CYSLTR2: variants seen among roughly 807,000 people sequenced by gnomAD.
CYSLTR2 encodes G-protein coupled receptor GPCR21.
For synonymous variants in CYSLTR2, 179 were observed against 160.8 expected, an observed-to-expected ratio of 1.11 and a Z score of -0.86; for missense variants, 398 against 411.9, an observed-to-expected ratio of 0.97 and a Z score of 0.29.
At chr13:48,685,740 A>T (rs534182761) in intron 1 of CYSLTR2, among the ~76,000 whole-genome samples, 7 of 152,178 alleles carry the variant, frequency 4.6e-5, no homozygotes, top group Non-Finnish European at 8.8e-5. Context: ...TATATTCTAG[A>T]TAAATGACAT....
rs1369777328 is a variant in CYSLTR2, at chr13:48,708,373, A to G, written c.*515A>G. 1 of 167,206 alleles carries G rather than the reference A, an allele frequency of 6.0e-6. No individual in the cohort carries two copies. Among genetic ancestry groups the G allele is most frequent in the Non-Finnish European group, 1.5e-5 (1 of 68,326 alleles). 10.4% of individuals were successfully genotyped at this position (167,206 alleles called of 1,614,324 possible). On this transcript the variant is annotated 3_prime_UTR_variant, in exon 5 of 5. Transcript: ENST00000682523. ...AACAAAGCAGCATCAAGTCCCAAGT[A>G]AGGACAGTGAGAGAAAAGGGGGAGA...
At chr13:48,679,441 G>GATATATA (rs1953691069) in intron 1 of CYSLTR2, among the ~76,000 whole-genome samples, 1 of 152,144 alleles carries the variant, frequency 6.6e-6, no homozygotes, top group Non-Finnish European at 1.5e-5. Flanking sequence ...AGTATATGTG[G>GATATATA]CACAGAGAAG....
chr13:48,668,470 C>G (rs7335898), intron 1 of CYSLTR2, among the ~76,000 whole-genome samples: 9,622 of 151,996 alleles, frequency 0.063, 363 homozygotes, highest in Middle Eastern at 0.11. Context: ...TCTTGAAGAA[C>G]AGTAAAATAA....
chr13:48,674,310 G>T (rs960456318), intron 1 of CYSLTR2, among the ~76,000 whole-genome samples: 1 of 152,000 alleles, frequency 6.6e-6, no homozygotes, highest in Non-Finnish European at 1.5e-5. Context: ...TTGAGGCTTT[G>T]TTTGTTCCTT....
intron 4 of CYSLTR2, among the ~76,000 whole-genome samples, chr13:48,698,068 G>A (rs1433286080): frequency 3.9e-5 from 6 of 152,196 alleles, no homozygotes; most frequent in Non-Finnish European, 8.8e-5. Context: ...AAGTGACGGG[G>A]AGAATGGAAC....
chr13:48,654,251 T>G (rs867518736), intron 1 of CYSLTR2, among the ~76,000 whole-genome samples: 10 of 129,308 alleles, frequency 7.7e-5, no homozygotes, highest in East Asian at 7.0e-4. Flanking sequence ...GATCGTCCCT[T>G]TGTGTGTGTG....
chr13:48,696,853 G>A (rs905985591), intron 4 of CYSLTR2, among the ~76,000 whole-genome samples: 2 of 151,386 alleles, frequency 1.3e-5, no homozygotes, highest in Non-Finnish European at 2.9e-5. Flanking sequence ...CCCGCACATG[G>A]CTCGGAGGGT....
intron 4 of CYSLTR2, among the ~76,000 whole-genome samples, chr13:48,704,975 T>A (rs1347648230): frequency 6.6e-6 from 1 of 152,232 alleles, no homozygotes; most frequent in Admixed American, 6.5e-5. Flanking sequence ...TGATGGTGTT[T>A]TTAGTTTTTC....
intron 1 of CYSLTR2, among the ~76,000 whole-genome samples, chr13:48,664,725 T>G (rs1050940979): frequency 1.3e-5 from 2 of 152,036 alleles, no homozygotes; most frequent in African/African-American, 4.8e-5. Context: ...CTCTCTTTTT[T>G]TCTTAGTTTA....
rs563898987 is a variant in CYSLTR2, at chr13:48,687,760, T to TTAAACAAC, written c.-265-3450_-265-3443dup. Among the ~76,000 whole-genome samples the TTAAACAAC allele has an allele frequency of 3.1e-3, 467 of 152,310 alleles. 1 individual carries two copies. The highest frequency in any genetic ancestry group is 0.011 in the African/African-American group (452 of 41,568). ...ATGATCCACTGGAGGGGTGGTAGTTTTAAACAACTGAAATTCTCTAACAAT... is the reference window on the plus strand; with the variant it reads ...ATGATCCACTGGAGGGGTGGTAGTTTTAAACAACTAAACAACTGAAATTCTCTAACAAT... On this transcript the variant is annotated intron_variant, in intron 1 of 4. Coordinates refer to ENST00000682523, the MANE Select transcript of CYSLTR2 (RefSeq NM_001308476.3).
chr13:48,675,786 C>T (rs1354698384), intron 1 of CYSLTR2, among the ~76,000 whole-genome samples: 5 of 152,080 alleles, frequency 3.3e-5, no homozygotes, highest in Admixed American at 6.6e-5. Context: ...TATAGGCACC[C>T]GAGGGATTCT....
At chr13:48,658,862 G>C (rs1953061591) in intron 1 of CYSLTR2, among the ~76,000 whole-genome samples, 1 of 152,098 alleles carries the variant, frequency 6.6e-6, no homozygotes, top group Admixed American at 6.5e-5. Context: ...AGATGAACTT[G>C]ACTCTGAGAT....
intron 1 of CYSLTR2, among the ~76,000 whole-genome samples, chr13:48,662,323 T>A (rs76571461): frequency 0.011 from 1,611 of 152,322 alleles, 31 homozygotes; most frequent in African/African-American, 0.037. Flanking sequence ...AACATGTCAG[T>A]GCAGACATCT....
Position 48,707,728 on chromosome 13 carries a change from T to C in CYSLTR2, c.911T>C (p.Leu304Pro). ...AAANACFNPL[L>P]YYFAGENFKD... The stretch of plus-strand genomic sequence containing the variant: ...GCCAATGCCTGCTTCAATCCTCTGC[T>C]CTATTACTTTGCTGGGGAGAATTTT... The change falls in exon 5 of 5, where the codon CTC becomes CCC. Residue 304 changes from leucine to proline, a missense_variant. By Grantham distance (98) the Leu-to-Pro change is moderately conservative (BLOSUM62 -3). Coordinates refer to ENST00000682523, the MANE Select transcript of CYSLTR2 (RefSeq NM_001308476.3). The C allele has an allele frequency of 1.2e-6, 2 of 1,610,806 alleles. No individual in the cohort carries two copies. Among genetic ancestry groups the C allele is most frequent in the Non-Finnish European group, 1.7e-6 (2 of 1,177,798 alleles).
intron 1 of CYSLTR2, among the ~76,000 whole-genome samples, chr13:48,671,082 C>T (rs547252073): frequency 1.3e-5 from 2 of 152,174 alleles, no homozygotes; most frequent in African/African-American, 2.4e-5. Flanking sequence ...CTCTGTTTGT[C>T]TATTATTTGG....
At chr13:48,669,685 G>A (rs769184986) in intron 1 of CYSLTR2, among the ~76,000 whole-genome samples, 7 of 152,150 alleles carry the variant, frequency 4.6e-5, no homozygotes, top group Non-Finnish European at 1.0e-4. Context: ...TCATTGATGG[G>A]CTTTTGGGTT....
intron 4 of CYSLTR2, among the ~76,000 whole-genome samples, chr13:48,697,392 C>A (rs74606278): frequency 6.6e-6 from 1 of 152,210 alleles, no homozygotes; most frequent in African/African-American, 2.4e-5. Context: ...GATACTCAGG[C>A]AAACAGGGTC....
At chr13:48,674,802 T>C (rs927312751) in intron 1 of CYSLTR2, among the ~76,000 whole-genome samples, 1 of 152,226 alleles carries the variant, frequency 6.6e-6, no homozygotes, top group Non-Finnish European at 1.5e-5. Flanking sequence ...TTGGATGGGA[T>C]TTTTGCACGG....
chr13:48,680,259 C>T (rs1450062372), intron 1 of CYSLTR2, among the ~76,000 whole-genome samples: 4 of 152,184 alleles, frequency 2.6e-5, no homozygotes, highest in East Asian at 1.9e-4. Context: ...TCAGTGTTGA[C>T]GGAGAGGGGT....
Sources: allele counts gnomAD v4.1 joint callset (sites outside exome capture counted in the v4.1 genomes callset), GRCh38; gene constraint gnomAD v4.1.1; transcripts MANE v1.5; gene names NCBI Gene and HGNC (gene_info 2026-07-23, HGNC 2026-07-21).